MTUS2: variants seen among roughly 807,000 people sequenced by gnomAD.
MTUS2 encodes the protein microtubule-associated tumor suppressor candidate 2.
Under a neutral mutation model 114.1 loss-of-function variants are expected in MTUS2, and 40 were observed. The ratio of observed to expected loss-of-function variants is 0.35; its 90% CI spans 0.27 to 0.46. MTUS2 has a LOEUF of 0.46. MTUS2 is among the 20% of genes least tolerant of loss of function. The pLI is 1.00. For missense variants in MTUS2, 1,679 were observed against 1,705.4 expected (o/e 0.98, Z 0.27); for synonymous variants, 688 against 672.0 (o/e 1.02, Z -0.37).
At chr13:29,182,328 T>G (rs1158003938) in intron 5 of MTUS2, among the ~76,000 whole-genome samples, 1 of 152,212 alleles carries the variant, frequency 6.6e-6, no homozygotes, top group Non-Finnish European at 1.5e-5. Flanking sequence ...ATCTATACAG[T>G]CTCCACTGAT....
chr13:28,924,003 A>G (rs1336486714), intron 2 of MTUS2, among the ~76,000 whole-genome samples: 1 of 152,020 alleles, frequency 6.6e-6, no homozygotes, highest in Admixed American at 6.6e-5. Flanking sequence ...TGATTCCCCT[A>G]GTCACTTATT....
chr13:29,340,753 A>C (rs1901352402), intron 7 of MTUS2, among the ~76,000 whole-genome samples: 1 of 152,202 alleles, frequency 6.6e-6, no homozygotes, highest in African/African-American at 2.4e-5. Flanking sequence ...CCATTACTCT[A>C]GCAGTGTACG....
intron 8 of MTUS2, among the ~76,000 whole-genome samples, chr13:29,398,491 GAAA>G (rs60747066): frequency 7.0e-6 from 1 of 142,566 alleles, no homozygotes; most frequent in Non-Finnish European, 1.5e-5. Context: ...GAAAGAAAAA[GAAA>G]AAAAAAAAGA....
chr13:29,102,681 A>G (rs1306239532), intron 5 of MTUS2, among the ~76,000 whole-genome samples: 1 of 152,210 alleles, frequency 6.6e-6, no homozygotes, highest in East Asian at 1.9e-4. Context: ...TACCTACTAT[A>G]TATGTAATTT....
chr13:28,872,966 A>T (rs1451620104), intron 2 of MTUS2, among the ~76,000 whole-genome samples: 2 of 152,190 alleles, frequency 1.3e-5, no homozygotes, highest in Non-Finnish European at 2.9e-5. Context: ...CCTTCAACAG[A>T]CTAACAGTAA....
At chr13:29,353,995 A>G (rs1869524048) in intron 7 of MTUS2, among the ~76,000 whole-genome samples, 1 of 152,148 alleles carries the variant, frequency 6.6e-6, no homozygotes, top group Non-Finnish European at 1.5e-5. Flanking sequence ...CCTCTGTGGT[A>G]TCCTACCTTG....
intron 2 of MTUS2, among the ~76,000 whole-genome samples, chr13:28,960,608 A>G (rs1883283653): frequency 6.6e-6 from 1 of 152,240 alleles, no homozygotes; most frequent in Non-Finnish European, 1.5e-5. Flanking sequence ...ACAGAAGGTC[A>G]CATGTTGTAT....
At position 29,359,252 on chromosome 13, in the gene MTUS2, T is replaced by C. The variant is rs1406134550; in HGVS notation, c.2906-10T>C. The C allele has an allele frequency of 6.3e-7, 1 of 1,584,814 alleles. No individual in the cohort carries two copies. Among genetic ancestry groups the C allele is most frequent in the Non-Finnish European group, 8.6e-7 (1 of 1,164,834 alleles). On this transcript the variant is annotated splice_polypyrimidine_tract_variant and intron_variant, in intron 7 of 15. Coordinates refer to ENST00000612955, the MANE Select transcript of MTUS2 (RefSeq NM_001033602.4). ...CACAGGTGACCGGGGTTTGGTTTTC[T>C]TTCTCACAGGATACCCAAAGCAGAG... is the stretch of plus-strand genomic sequence containing the variant.
intron 2 of MTUS2, among the ~76,000 whole-genome samples, chr13:28,949,595 A>G (rs1009785569): frequency 3.3e-5 from 5 of 152,296 alleles, no homozygotes; most frequent in South Asian, 2.1e-4. Flanking sequence ...AACTGAAACT[A>G]TATCCATAAA....
intron 2 of MTUS2, among the ~76,000 whole-genome samples, chr13:28,896,616 A>G (rs1462046764): frequency 2.0e-5 from 3 of 152,240 alleles, no homozygotes; most frequent in African/African-American, 4.8e-5. Flanking sequence ...CCAAAAGAAC[A>G]AAGCTGGTGG....
In MTUS2 at chr13:29,471,747, C is replaced by CCCCG. The variant is rs1340641607; in HGVS notation, c.3185-8402_3185-8399dup. On this transcript the variant is annotated intron_variant, in intron 9 of 15. Coordinates refer to ENST00000612955, the MANE Select transcript of MTUS2 (RefSeq NM_001033602.4). Reference sequence around the variant, plus strand: ...GCCTCTGCTCTGCAGGCCCAGCCCCCCCCGACACATTGATCTTAGGTCACT... The same window carrying CCCCG: ...GCCTCTGCTCTGCAGGCCCAGCCCCCCCCGCCCGACACATTGATCTTAGGTCACT... Among the ~76,000 whole-genome samples the CCCCG allele has an allele frequency of 1.3e-4, 16 of 127,924 alleles. 1 individual carries two copies. In the South Asian group the frequency reaches 2.8e-3, roughly 23 times the overall value. 83.9% of individuals were successfully genotyped at this position (127,924 alleles called of 152,430 possible). A position where few individuals can be genotyped will look rare whatever the true frequency, so the allele number is the denominator to read the frequency against.
At chr13:29,049,288 C>T (rs943119474) in intron 4 of MTUS2, among the ~76,000 whole-genome samples, 2 of 152,196 alleles carry the variant, frequency 1.3e-5, no homozygotes, top group African/African-American at 4.8e-5. Flanking sequence ...CATCATAAGG[C>T]ATTGGGGACC....
intron 5 of MTUS2, among the ~76,000 whole-genome samples, chr13:29,108,030 T>C (rs1254293810): frequency 3.3e-5 from 5 of 152,192 alleles, no homozygotes; most frequent in Admixed American, 6.5e-5. Flanking sequence ...AATGTTAACT[T>C]TAGGGTTTAC....
At position 29,403,571 on chromosome 13, in the gene MTUS2, G is replaced by A. The variant is rs192716134; in HGVS notation, c.3118-36412G>A. Among the ~76,000 whole-genome samples the A allele has an allele frequency of 1.1e-4, 16 of 152,286 alleles. No individual in the cohort carries two copies. The East Asian group carries it at 2.9e-3, about 28-fold the overall frequency. ...GCCCTCCCAAATGTGAGTGGCCCTCGTCCAATTAGTCGAAGGCCCTAAGAG... is the reference window on the plus strand; with the variant it reads ...GCCCTCCCAAATGTGAGTGGCCCTCATCCAATTAGTCGAAGGCCCTAAGAG... On this transcript the variant is annotated intron_variant, in intron 8 of 15. Coordinates refer to ENST00000612955, the MANE Select transcript of MTUS2 (RefSeq NM_001033602.4).
intron 6 of MTUS2, among the ~76,000 whole-genome samples, chr13:29,298,666 A>G (rs192746470): frequency 6.6e-6 from 1 of 152,322 alleles, no homozygotes; most frequent in Admixed American, 6.5e-5. Flanking sequence ...AAACAAAGTA[A>G]GAAATAGGGT....
chr13:29,325,108 A>G (rs191837451), intron 7 of MTUS2, among the ~76,000 whole-genome samples: 1 of 152,342 alleles, frequency 6.6e-6, no homozygotes, highest in East Asian at 1.9e-4. Flanking sequence ...ATTTATTTGC[A>G]TTCAGATATG....
chr13:28,928,814 A>C (rs1321257158), intron 2 of MTUS2, among the ~76,000 whole-genome samples: 1 of 152,206 alleles, frequency 6.6e-6, no homozygotes, highest in Non-Finnish European at 1.5e-5. Context: ...CAAAAACCAA[A>C]GTATGGAATC....
chr13:28,851,003 C>T (rs188007258), intron 2 of MTUS2, among the ~76,000 whole-genome samples: 79 of 152,222 alleles, frequency 5.2e-4, no homozygotes, highest in African/African-American at 1.7e-3. Flanking sequence ...AGGGGAATAT[C>T]GCTGTTAAAT....
At chr13:28,998,331 CT>C (rs1400005374) in intron 2 of MTUS2, among the ~76,000 whole-genome samples, 3 of 152,166 alleles carry the variant, frequency 2.0e-5, no homozygotes, top group Non-Finnish European at 2.9e-5. Context: ...ACATTTGTTC[CT>C]TCTTTTCAAC....
Sources: gnomAD v4.1 joint callset for allele counts (sites outside exome capture counted in the v4.1 genomes callset) on GRCh38, gnomAD v4.1.1 for gene constraint, MANE v1.5 for transcripts, NCBI Gene and HGNC (gene_info 2026-07-23, HGNC 2026-07-21) for gene names.